Variants in NAALADL2 observed in about 807,000 individuals in gnomAD.
The protein encoded by NAALADL2 is inactive N-acetylated-alpha-linked acidic dipeptidase-like protein 2.
NAALADL2 carries 76 observed loss-of-function variants against 87.2 expected under a neutral mutation model. The observed-to-expected ratio is 0.87, with a 90% CI of 0.72 to 1.05. The LOEUF (loss-of-function observed/expected upper bound fraction) is 1.05. NAALADL2 is among the 50% of genes least tolerant of loss of function. NAALADL2 has a pLI of 0.00. For synonymous variants in NAALADL2, 354 were observed against 331.0 expected, an observed-to-expected ratio of 1.07 and a Z score of -0.75; for missense variants, 1,089 against 945.8, an observed-to-expected ratio of 1.15 and a Z score of -1.99.
At position 174,873,463 on chromosome 3, in the gene NAALADL2, C is replaced by T. The variant is rs567887729; in HGVS notation, c.43+14013C>T. ...AGAGATGGGGTTTCACTCTTCTGGC[C>T]GGGCTGGTCTTGAACTCCCGACCTT... On this transcript the variant is annotated intron_variant, in intron 1 of 13. Coordinates refer to ENST00000454872, the MANE Select transcript of NAALADL2 (RefSeq NM_207015.3). 6.0e-4 allele frequency among the ~76,000 whole-genome samples: 91 copies of T among 152,032 alleles called. No individual in the cohort carries two copies. The South Asian group carries it at 0.015, about 26-fold the overall frequency.
In NAALADL2 at chr3:175,807,054, T is replaced by C. The variant is rs1450251208; in HGVS notation, c.*3851T>C. 2 of 151,788 alleles carry C rather than the reference T, an allele frequency of 1.3e-5. No individual in the cohort carries two copies. The highest frequency in any genetic ancestry group is 2.4e-5 in the African/African-American group (1 of 41,384). The allele number at this position is 151,788 out of a possible 1,614,324, so 9.4% of individuals were successfully genotyped here. On this transcript the variant is annotated 3_prime_UTR_variant, in exon 14 of 14. Coordinates refer to ENST00000454872, the MANE Select transcript of NAALADL2 (RefSeq NM_207015.3). ...ATATATGTAGGCAAGTTTGAAGATA[T>C]CTATAAGAGCATTAAAAGGCAAGTG... is the stretch of plus-strand genomic sequence containing the variant.
chr3:175,637,631 G>A (rs1330552488), intron 11 of NAALADL2, among the ~76,000 whole-genome samples: 2 of 152,146 alleles, frequency 1.3e-5, no homozygotes, highest in Non-Finnish European at 2.9e-5. Flanking sequence ...CTCTGCACAT[G>A]CCATCTGCTC....
intron 1 of NAALADL2, among the ~76,000 whole-genome samples, chr3:175,028,315 C>A (rs1400563343): frequency 1.3e-5 from 2 of 152,010 alleles, no homozygotes; most frequent in Non-Finnish European, 2.9e-5. Context: ...TTAACAATTT[C>A]TCATTTTGTT....
At chr3:175,025,029 A>G (rs1384218055) in intron 1 of NAALADL2, among the ~76,000 whole-genome samples, 2 of 152,194 alleles carry the variant, frequency 1.3e-5, no homozygotes, top group African/African-American at 4.8e-5. Context: ...AAGTAACATA[A>G]CTAAAATGCT....
intron 9 of NAALADL2, among the ~76,000 whole-genome samples, chr3:175,510,952 T>C (rs1238812462): frequency 6.6e-6 from 1 of 152,196 alleles, no homozygotes; most frequent in African/African-American, 2.4e-5. Context: ...CAAATGTTAT[T>C]TGTTACTATG....
At chr3:175,716,113 T>C (rs1228167816) in intron 11 of NAALADL2, among the ~76,000 whole-genome samples, 2 of 147,672 alleles carry the variant, frequency 1.4e-5, no homozygotes, top group Non-Finnish European at 3.0e-5. Flanking sequence ...ATATATGATA[T>C]ATGTAATTTA....
In NAALADL2 at chr3:174,566,760, CTT is replaced by C. The variant is rs1000386280; in HGVS notation, c.-115+16124_-115+16125del. Among the ~76,000 whole-genome samples, 16 of 150,844 alleles carry C rather than the reference CTT, an allele frequency of 1.1e-4. 2 individuals are homozygous for C. The South Asian group carries it at 3.3e-3, about 31-fold the overall frequency. On this transcript the variant is annotated intron_variant, in intron 2 of 3. Transcript: ENST00000434257. ...TTAATCTGTTTTTAAAAGTTTTCCT[CTT>C]GTTTCATTTTCAATTTTTTTTTTTT...
At chr3:174,503,516 A>G (rs779390527) in intron 1 of NAALADL2, among the ~76,000 whole-genome samples, 7 of 152,166 alleles carry the variant, frequency 4.6e-5, no homozygotes, top group Non-Finnish European at 7.4e-5. Flanking sequence ...TAAAAATATA[A>G]TTGTCCAAAC....
At position 174,964,165 on chromosome 3, in the gene NAALADL2, T is replaced by C. The variant is rs9859909; in HGVS notation, c.43+104715T>C. On this transcript the variant is annotated intron_variant, in intron 1 of 13. Transcript: ENST00000454872. ...ATAGTTATTCATTTACAAAAATTTC[T>C]AATGTACTTATTTGCCTGGCACCAT... is the stretch of plus-strand genomic sequence containing the variant. 6.0e-3 allele frequency among the ~76,000 whole-genome samples: 907 copies of C among 152,264 alleles called. 6 individuals carry two copies. Among genetic ancestry groups the C allele is most frequent in the African/African-American group, 0.018 (762 of 41,582 alleles).
intron 2 of NAALADL2, among the ~76,000 whole-genome samples, chr3:175,104,169 TTTACCAAAGAATGTATAA>T (rs1722704686): frequency 1.3e-5 from 2 of 152,100 alleles, no homozygotes; most frequent in African/African-American, 4.8e-5. Context: ...CTGCACTTCA[TTTACCAAAGAATGTATAA>T]TTGAGCAAGT....
At chr3:175,537,544 G>C (rs1711512205) in intron 9 of NAALADL2, among the ~76,000 whole-genome samples, 1 of 152,112 alleles carries the variant, frequency 6.6e-6, no homozygotes, top group Admixed American at 6.5e-5. Context: ...TATAAAATGA[G>C]AGCAACTTTC....
chr3:175,610,471 A>G (rs1724470343), intron 10 of NAALADL2, among the ~76,000 whole-genome samples: 1 of 152,126 alleles, frequency 6.6e-6, no homozygotes, highest in South Asian at 2.1e-4. Context: ...TCTCATGACC[A>G]CACAGATGGC....
chr3:174,863,141 T>C (rs1339949898), intron 1 of NAALADL2, among the ~76,000 whole-genome samples: 2 of 152,150 alleles, frequency 1.3e-5, no homozygotes, highest in Non-Finnish European at 2.9e-5. Flanking sequence ...AGAGATCCTA[T>C]GAAGCTAGGA....
chr3:174,555,440 C>G (rs1327520813), intron 2 of NAALADL2, among the ~76,000 whole-genome samples: 1 of 152,088 alleles, frequency 6.6e-6, no homozygotes, highest in Non-Finnish European at 1.5e-5. Context: ...GCCGGGATTA[C>G]AGGCGCCCAC....
intron 3 of NAALADL2, among the ~76,000 whole-genome samples, chr3:174,739,523 C>T (rs1319579326): frequency 3.3e-5 from 5 of 151,904 alleles, no homozygotes; most frequent in African/African-American, 1.2e-4. Flanking sequence ...AGTTCATGAT[C>T]GTATGTAGAC....
At chr3:174,829,204 C>T (rs867121778) in intron 3 of NAALADL2, among the ~76,000 whole-genome samples, 106 of 151,518 alleles carry the variant, frequency 7.0e-4, no homozygotes, top group Middle Eastern at 3.4e-3. Context: ...CATGCTGGTG[C>T]GCTGCACCCA....
intron 5 of NAALADL2, among the ~76,000 whole-genome samples, chr3:175,385,963 A>G (rs1768330319): frequency 6.6e-6 from 1 of 151,974 alleles, no homozygotes; most frequent in Admixed American, 6.6e-5. Context: ...GATTTTTTGA[A>G]AAGACCAATG....
Position 175,397,714 on chromosome 3 carries a change from T to C in NAALADL2, c.1091-49515T>C, listed in dbSNP as rs114047428. Among the ~76,000 whole-genome samples, 747 of 152,298 alleles carry C rather than the reference T, an allele frequency of 4.9e-3. 2 individuals carry two copies. Among genetic ancestry groups the C allele is most frequent in the Non-Finnish European group, 7.3e-3 (500 of 68,036 alleles). On this transcript the variant is annotated intron_variant, in intron 5 of 13. Coordinates refer to ENST00000454872, the MANE Select transcript of NAALADL2 (RefSeq NM_207015.3). ...GTACACCGTGTTTTATTTGTTGTAA[T>C]ATATGCACTTCAAGTTTCTGGGTCA...
chr3:175,017,569 G>A lies in NAALADL2; in HGVS notation c.44-79221G>A, dbSNP rs182257352. Among the ~76,000 whole-genome samples, 171 of 152,102 alleles carry A rather than the reference G, an allele frequency of 1.1e-3. 2 individuals are homozygous for A. Among genetic ancestry groups the A allele is most frequent in the East Asian group, 1.9e-4 (1 of 5,156 alleles). On this transcript the variant is annotated intron_variant, in intron 1 of 13. Transcript: ENST00000454872. ...GATCCTCCAAAGTTCTCAGGAGTCA[G>A]CAGGCCTGTTTTTATGTGATTGGTA...
Sources: gnomAD v4.1 joint callset for allele counts (sites outside exome capture counted in the v4.1 genomes callset) on GRCh38, gnomAD v4.1.1 for gene constraint, MANE v1.5 for transcripts, NCBI Gene and HGNC (gene_info 2026-07-23, HGNC 2026-07-21) for gene names.